The following LEKR1 variants were observed in gnomAD, a reference collection of about 807,000 sequenced individuals.
LEKR1 encodes protein LEKR1.
LEKR1 carries 59 observed loss-of-function variants against 72.4 expected under a neutral mutation model. The observed-to-expected ratio is 0.82, with a 90% CI of 0.66 to 1.01. LEKR1 has a LOEUF of 1.01. Ranked by LOEUF, LEKR1 falls within the 50% of genes least tolerant of loss-of-function variation. The pLI, the probability that LEKR1 is intolerant of heterozygous loss-of-function variation, is 0.00. For synonymous variants in LEKR1, 257 were observed against 263.2 expected, an observed-to-expected ratio of 0.98 and a Z score of 0.23; for missense variants, 728 against 759.2, an observed-to-expected ratio of 0.96 and a Z score of 0.48.
At chr3:156,916,991 C>T (rs1440995953) in intron 3 of LEKR1, among the ~76,000 whole-genome samples, 1 of 151,830 alleles carries the variant, frequency 6.6e-6, no homozygotes. Context: ...GAAAGAGTCT[C>T]AAAGAGAAAC....
At position 156,840,613 on chromosome 3, in the gene LEKR1, G is replaced by T. The variant is rs942240827; in HGVS notation, c.48+11236G>T. Among the ~76,000 whole-genome samples the T allele has an allele frequency of 3.9e-5, 6 of 152,072 alleles. No individual in the cohort carries two copies. The South Asian group carries it at 1.0e-3, about 26-fold the overall frequency. ...GCTCTCAGATATGCTTTTGTCCATT[G>T]TGCATGTACCTTTGGGCTGCCTGTT... On this transcript the variant is annotated intron_variant, in intron 2 of 12. Transcript: ENST00000356539.
At chr3:157,013,431 C>T (rs1045247777) in intron 10 of LEKR1, among the ~76,000 whole-genome samples, 2 of 152,070 alleles carry the variant, frequency 1.3e-5, no homozygotes, top group South Asian at 4.1e-4. Flanking sequence ...CATATGAAAG[C>T]ATTTATGTTC....
chr3:157,001,211 T>C (rs1731988150), intron 9 of LEKR1, among the ~76,000 whole-genome samples: 1 of 152,248 alleles, frequency 6.6e-6, no homozygotes, highest in South Asian at 2.1e-4. Flanking sequence ...TAAGTAATAA[T>C]TGAAAACAAT....
At chr3:157,010,346 A>T (rs1732788896) in intron 9 of LEKR1, among the ~76,000 whole-genome samples, 1 of 152,086 alleles carries the variant, frequency 6.6e-6, no homozygotes, top group African/African-American at 2.4e-5. Flanking sequence ...AAAGAGAGAG[A>T]AGAAAATGTC....
chr3:156,891,071 A>G (rs921133960), intron 3 of LEKR1, among the ~76,000 whole-genome samples: 9 of 144,930 alleles, frequency 6.2e-5, no homozygotes, highest in Non-Finnish European at 1.2e-4. Flanking sequence ...GGGTTTTGCC[A>G]TGTTGGCCAG....
At chr3:156,899,361 T>C (rs946186129) in intron 3 of LEKR1, among the ~76,000 whole-genome samples, 3 of 128,246 alleles carry the variant, frequency 2.3e-5, no homozygotes, top group East Asian at 2.2e-4. Context: ...CATGTATATA[T>C]ACATATATAC....
chr3:156,890,127 T>C (rs1309621992), intron 3 of LEKR1, among the ~76,000 whole-genome samples: 2 of 152,250 alleles, frequency 1.3e-5, no homozygotes, highest in Admixed American at 6.5e-5. Flanking sequence ...ACTTGGTAAA[T>C]GCTCAATGCT....
intron 6 of LEKR1, among the ~76,000 whole-genome samples, chr3:156,965,367 G>A (rs1728477002): frequency 6.6e-6 from 1 of 152,124 alleles, no homozygotes; most frequent in Non-Finnish European, 1.5e-5. Context: ...AGCAGAAACA[G>A]AAGCATTTTT....
chr3:156,954,080 T>A (rs1727407371), intron 6 of LEKR1, among the ~76,000 whole-genome samples: 1 of 152,110 alleles, frequency 6.6e-6, no homozygotes, highest in Non-Finnish European at 1.5e-5. Context: ...AGATGGTATC[T>A]TATTGTGGTT....
intron 2 of LEKR1, among the ~76,000 whole-genome samples, chr3:156,850,126 G>A (rs1280735783): frequency 6.6e-6 from 1 of 151,906 alleles, no homozygotes; most frequent in African/African-American, 2.4e-5. Flanking sequence ...CTCAAAAGAA[G>A]ACATTTATGC....
At chr3:156,858,634 C>T (rs921186714) in intron 3 of LEKR1, among the ~76,000 whole-genome samples, 1 of 149,880 alleles carries the variant, frequency 6.7e-6, no homozygotes, top group African/African-American at 2.5e-5. Flanking sequence ...AGAATCATGC[C>T]ACTACATTCC....
chr3:156,997,613 C>T (rs1362463872), intron 9 of LEKR1, among the ~76,000 whole-genome samples: 1 of 152,220 alleles, frequency 6.6e-6, no homozygotes. Flanking sequence ...TTCACTCCCA[C>T]TGACTTTGTG....
intron 3 of LEKR1, among the ~76,000 whole-genome samples, chr3:156,886,436 A>G (rs1192880044): frequency 2.6e-5 from 4 of 152,080 alleles, no homozygotes; most frequent in Non-Finnish European, 5.9e-5. Context: ...GCTTGTGTCC[A>G]TAGCAGCTCC....
chr3:156,974,128 A>G (rs964791775), intron 6 of LEKR1, among the ~76,000 whole-genome samples: 17 of 152,280 alleles, frequency 1.1e-4, no homozygotes, highest in African/African-American at 4.1e-4. Flanking sequence ...CCTAGGTTCT[A>G]TCACTATGGT....
chr3:157,029,804 A>G (rs6774012), intron 12 of LEKR1, among the ~76,000 whole-genome samples: 111,652 of 151,888 alleles, frequency 0.74, 41,497 homozygotes, highest in East Asian at 0.93. Flanking sequence ...GGGAAGCAGG[A>G]TAAAGGACAG....
chr3:156,968,235 A>G (rs1412241647), intron 6 of LEKR1, among the ~76,000 whole-genome samples: 4 of 152,206 alleles, frequency 2.6e-5, no homozygotes, highest in Non-Finnish European at 5.9e-5. Flanking sequence ...CAAAATAACC[A>G]GCTAACATCA....
At chr3:157,028,548 C>T (rs1329303643) in intron 12 of LEKR1, 146 bp downstream of exon 12, 2 of 686,374 alleles carry the variant, frequency 2.9e-6, no homozygotes, top group South Asian at 2.1e-5. Context: ...GGTGCTCTGT[C>T]CTTAATCACA....
rs66884835 is a variant in LEKR1, at chr3:156,899,583, CAT to C, written c.264-20991_264-20990del. 3.9e-3 allele frequency among the ~76,000 whole-genome samples: 447 copies of C among 115,210 alleles called. 13 individuals carry two copies. The highest frequency in any genetic ancestry group is 9.8e-3 in the African/African-American group (255 of 26,072). 75.6% of individuals were successfully genotyped at this position (115,210 alleles called of 152,430 possible). Reference sequence around the variant, plus strand: ...ACATATACATGTATATATACATATACATGTATATATACATATACGTATATATA... The same window carrying C: ...ACATATACATGTATATATACATATACGTATATATACATATACGTATATATA... On this transcript the variant is annotated intron_variant, in intron 3 of 12. Coordinates refer to ENST00000356539, the MANE Select transcript of LEKR1 (RefSeq NM_001004316.3).
intron 5 of LEKR1, among the ~76,000 whole-genome samples, chr3:156,936,469 C>T (rs1001771017): frequency 8.1e-6 from 1 of 122,786 alleles, no homozygotes; most frequent in African/African-American, 4.6e-5. Flanking sequence ...ACACACACCC[C>T]CCGTATGCCT....
Sources: gnomAD v4.1 joint callset for allele counts (sites outside exome capture counted in the v4.1 genomes callset) on GRCh38, gnomAD v4.1.1 for gene constraint, MANE v1.5 for transcripts, NCBI Gene and HGNC (gene_info 2026-07-23, HGNC 2026-07-21) for gene names.